The following MAGI1 variants were observed in gnomAD, a reference collection of about 807,000 sequenced individuals.
The protein encoded by MAGI1 is membrane associated guanylate kinase, WW and PDZ domain containing 1.
In MAGI1, 58 loss-of-function variants were observed where a neutral mutation model predicts 139.9. The ratio of observed to expected loss-of-function variants is 0.41; its 90% confidence interval spans 0.34 to 0.52. MAGI1 has a LOEUF of 0.52. Among genes scored for constraint, MAGI1 ranks in the 20% least tolerant of loss-of-function variants. MAGI1 has a pLI of 0.12. For synonymous variants in MAGI1, 812 were observed against 737.9 expected (o/e 1.10, Z -1.63); for missense variants, 1,874 against 1,901.6 (o/e 0.99, Z 0.27).
Position 66,038,550 on chromosome 3 carries a change from G to T in MAGI1, c.-242C>A. The T allele has an allele frequency of 2.0e-6, 1 of 490,236 alleles. No individual in the cohort carries two copies. The highest frequency in any genetic ancestry group is 3.4e-6 in the Non-Finnish European group (1 of 289,978). The allele number at this position is 490,236 out of a possible 1,614,324, so 30.4% of individuals were successfully genotyped here. A position where few individuals can be genotyped will look rare whatever the true frequency, so the allele number is the denominator to read the frequency against. ...CGCCCGCGAGCTTTGTTTGCATTCCGGTGCCTCTGGGTCCACGTTCCGGCG... is the reference window on the plus strand; with the variant it reads ...CGCCCGCGAGCTTTGTTTGCATTCCTGTGCCTCTGGGTCCACGTTCCGGCG... On this transcript the variant is annotated 5_prime_UTR_variant, in exon 1 of 23. Coordinates refer to ENST00000402939, the MANE Select transcript of MAGI1 (RefSeq NM_001033057.2).
intron 1 of MAGI1, among the ~76,000 whole-genome samples, chr3:65,881,639 A>C (rs892999815): frequency 5.3e-5 from 8 of 152,162 alleles, no homozygotes; most frequent in Non-Finnish European, 1.2e-4. Context: ...AAAAAAAAAA[A>C]AGTTAGGACT....
At chr3:65,608,810 A>G (rs79555096) in intron 2 of MAGI1, among the ~76,000 whole-genome samples, 9 of 152,232 alleles carry the variant, frequency 5.9e-5, no homozygotes, top group Non-Finnish European at 8.8e-5. Context: ...CCATTGTATA[A>G]GAATGCTCAC....
chr3:65,975,812 A>T (rs1443384524), intron 1 of MAGI1, among the ~76,000 whole-genome samples: 5 of 152,180 alleles, frequency 3.3e-5, no homozygotes, highest in African/African-American at 1.2e-4. Context: ...CTCTTCTCTG[A>T]CCGTATCAAG....
At chr3:65,360,200 C>A (rs1940673548) in intron 22 of MAGI1, 3 of 985,124 alleles carry the variant, frequency 3.0e-6, no homozygotes, top group Non-Finnish European at 3.6e-6. Flanking sequence ...GAGAATTGTG[C>A]AGAATGACTT....
intron 1 of MAGI1, among the ~76,000 whole-genome samples, chr3:65,673,682 G>C (rs1317157092): frequency 1.3e-5 from 2 of 152,152 alleles, no homozygotes. Context: ...TGAAACAACA[G>C]TCATTTGGAT....
intron 1 of MAGI1, among the ~76,000 whole-genome samples, chr3:65,996,066 T>G (rs566389925): frequency 5.3e-4 from 81 of 152,058 alleles, no homozygotes; most frequent in African/African-American, 1.8e-3. Flanking sequence ...TTCTAAGAAT[T>G]TGGGTCCCAG....
intron 17 of MAGI1, chr3:65,379,045 A>C (rs1942815041): frequency 3.3e-6 from 3 of 920,274 alleles, no homozygotes; most frequent in Non-Finnish European, 4.9e-6. Flanking sequence ...TCACATTCTC[A>C]GTGTGGAAGT....
At chr3:65,763,715 G>A (rs1360163316) in intron 1 of MAGI1, among the ~76,000 whole-genome samples, 3 of 151,572 alleles carry the variant, frequency 2.0e-5, no homozygotes, top group East Asian at 1.9e-4. Flanking sequence ...TCTTCTAGGT[G>A]GAAGCATAGG....
In MAGI1 at chr3:65,505,091, C is replaced by A. The variant is rs147872891; in HGVS notation, c.431-11460G>T. Among the ~76,000 whole-genome samples, 4 of 152,202 alleles carry A rather than the reference C, an allele frequency of 2.6e-5. No individual in the cohort carries two copies. In the East Asian group the frequency reaches 7.7e-4, roughly 29 times the overall value. On this transcript the variant is annotated intron_variant, in intron 2 of 22. Coordinates refer to ENST00000402939, the MANE Select transcript of MAGI1 (RefSeq NM_001033057.2). The stretch of plus-strand genomic sequence containing the variant: ...GATTCAGGAAACCAGTAACGCTATA[C>A]CCTAGCGCTAAAAGTTGTCTATGAG...
intron 13 of MAGI1, among the ~76,000 whole-genome samples, chr3:65,400,072 C>T (rs950018593): frequency 6.6e-6 from 1 of 152,132 alleles, no homozygotes; most frequent in Non-Finnish European, 1.5e-5. Context: ...TCTGGATTTC[C>T]TTCCATTTCT....
chr3:65,932,291 G>T (rs2062839367), intron 1 of MAGI1, among the ~76,000 whole-genome samples: 1 of 152,174 alleles, frequency 6.6e-6, no homozygotes, highest in Non-Finnish European at 1.5e-5. Flanking sequence ...GAACCTGGGA[G>T]GCGGGGGTTG....
chr3:65,779,153 G>A (rs2038727271), intron 1 of MAGI1, among the ~76,000 whole-genome samples: 1 of 152,174 alleles, frequency 6.6e-6, no homozygotes, highest in Non-Finnish European at 1.5e-5. Flanking sequence ...GAATTCCACA[G>A]GAATAACCAC....
chr3:65,649,707 A>G (rs1470099070), intron 1 of MAGI1, among the ~76,000 whole-genome samples: 1 of 152,238 alleles, frequency 6.6e-6, no homozygotes, highest in East Asian at 1.9e-4. Context: ...GACTCCAAAT[A>G]TGAACTTTTC....
intron 1 of MAGI1, among the ~76,000 whole-genome samples, chr3:65,646,141 T>C (rs890054004): frequency 4.6e-5 from 7 of 152,092 alleles, no homozygotes; most frequent in African/African-American, 1.7e-4. Flanking sequence ...AACCCAACTA[T>C]ATTATGTTAA....
intron 2 of MAGI1, among the ~76,000 whole-genome samples, chr3:65,502,992 T>C (rs1283535533): frequency 6.6e-6 from 1 of 152,156 alleles, no homozygotes; most frequent in Non-Finnish European, 1.5e-5. Context: ...GACAGCTATG[T>C]AGACTCAAAA....
chr3:65,468,263 G>C (rs935285353), intron 5 of MAGI1, among the ~76,000 whole-genome samples: 1 of 151,412 alleles, frequency 6.6e-6, no homozygotes, highest in Admixed American at 6.6e-5. Flanking sequence ...TTAACATGAA[G>C]ACAGAAACAT....
chr3:65,449,592 T>C lies in MAGI1; in HGVS notation c.1043-1535A>G, dbSNP rs144723184. On this transcript the variant is annotated intron_variant, in intron 6 of 22. Coordinates refer to ENST00000402939, the MANE Select transcript of MAGI1 (RefSeq NM_001033057.2). ...GAGTTCGAGACCAGCCTGGCCAACA[T>C]GGTGAAACCCCGACTCTATTAAAAA... Among the ~76,000 whole-genome samples the C allele has an allele frequency of 6.8e-3, 1,036 of 152,124 alleles. 10 individuals are homozygous for C. The highest frequency in any genetic ancestry group is 0.024 in the African/African-American group (986 of 41,492).
At chr3:65,763,739 G>C (rs749591918) in intron 1 of MAGI1, among the ~76,000 whole-genome samples, 1 of 151,050 alleles carries the variant, frequency 6.6e-6, no homozygotes, top group African/African-American at 2.4e-5. Context: ...ATTTCATATC[G>C]CACAAGTGCT....
chr3:65,522,882 G>A (rs1044924681), intron 2 of MAGI1, among the ~76,000 whole-genome samples: 1 of 152,200 alleles, frequency 6.6e-6, no homozygotes, highest in Non-Finnish European at 1.5e-5. Context: ...TCCTGCTGCA[G>A]TAGGGGTGGG....
Sources: allele counts gnomAD v4.1 joint callset (sites outside exome capture counted in the v4.1 genomes callset), GRCh38; gene constraint gnomAD v4.1.1; transcripts MANE v1.5; gene names NCBI Gene and HGNC (gene_info 2026-07-23, HGNC 2026-07-21).